Variants in ANK1 observed in about 807,000 individuals in gnomAD.
ANK1 encodes the protein ankyrin 1.
In ANK1, 51 loss-of-function variants were observed where a neutral mutation model predicts 210.4. The ratio of observed to expected loss-of-function variants is 0.24; its 90% confidence interval spans 0.19 to 0.31. The LOEUF (loss-of-function observed/expected upper bound fraction) is 0.31. Among genes scored for constraint, ANK1 ranks in the 10% least tolerant of loss-of-function variants. The pLI, the probability that ANK1 is intolerant of heterozygous loss-of-function variation, is 1.00. For synonymous variants in ANK1, 967 were observed against 1,025.9 expected (o/e 0.94, Z 1.10); for missense variants, 2,051 against 2,504.4 (o/e 0.82, Z 3.86).
chr8:41,793,841 T>C (rs1373870057), intron 1 of ANK1, among the ~76,000 whole-genome samples: 8 of 152,180 alleles, frequency 5.3e-5, no homozygotes, highest in Non-Finnish European at 1.0e-4. Context: ...TGGTAAATTA[T>C]TAAGTAGGGA....
intron 2 of ANK1, among the ~76,000 whole-genome samples, chr8:41,738,401 C>G (rs1325395077): frequency 6.6e-6 from 1 of 152,142 alleles, no homozygotes; most frequent in African/African-American, 2.4e-5. Flanking sequence ...CACAAGTCAC[C>G]ACCATCTAGC....
At chr8:41,734,942 A>G (rs920785533) in intron 2 of ANK1, among the ~76,000 whole-genome samples, 2 of 152,194 alleles carry the variant, frequency 1.3e-5, no homozygotes, top group African/African-American at 4.8e-5. Flanking sequence ...CCATCCCACC[A>G]TTTCAAAGGT....
chr8:41,717,994 G>A, intron 11 of ANK1, 112 bp downstream of exon 11: 1 of 1,035,822 alleles, frequency 9.7e-7, no homozygotes, highest in Non-Finnish European at 1.5e-6. Flanking sequence ...GTCCAGACTT[G>A]CAGACACACA....
chr8:41,803,029 G>GAAAGAA (rs1554630842), intron 1 of ANK1, among the ~76,000 whole-genome samples: 2 of 85,442 alleles, frequency 2.3e-5, no homozygotes, highest in East Asian at 5.0e-4. Context: ...AAGAAAGAAA[G>GAAAGAA]AAAGAAAGAA....
chr8:41,882,116 T>C (rs1456096729), intron 1 of ANK1, among the ~76,000 whole-genome samples: 2 of 152,148 alleles, frequency 1.3e-5, no homozygotes, highest in Non-Finnish European at 2.9e-5. Context: ...TGAAATGCAC[T>C]TAATCTTCCT....
chr8:41,722,103 A>G (rs1829426264), intron 9 of ANK1, among the ~76,000 whole-genome samples: 1 of 152,198 alleles, frequency 6.6e-6, no homozygotes, highest in Admixed American at 6.5e-5. Flanking sequence ...CATCCCAATA[A>G]TCCTAGGAGA....
chr8:41,747,851 T>C (rs1475923957), intron 2 of ANK1, among the ~76,000 whole-genome samples: 1 of 152,216 alleles, frequency 6.6e-6, no homozygotes, highest in Non-Finnish European at 1.5e-5. Flanking sequence ...TGAAGATTTT[T>C]ATGTAACTGA....
chr8:41,684,469 G>A (rs1489372582), intron 37 of ANK1, 75 bp downstream of exon 37: 2 of 1,591,854 alleles, frequency 1.3e-6, no homozygotes, highest in African/African-American at 2.7e-5. Flanking sequence ...ACGTATTGTG[G>A]GAAGGGGTTA....
At chr8:41,895,510 C>G (rs1216822523) in intron 1 of ANK1, among the ~76,000 whole-genome samples, 1 of 152,174 alleles carries the variant, frequency 6.6e-6, no homozygotes, top group Non-Finnish European at 1.5e-5. Context: ...GGGCTAAAAA[C>G]AGCAACAGTT....
chr8:41,870,138 C>T (rs1164962089), intron 1 of ANK1, among the ~76,000 whole-genome samples: 1 of 152,024 alleles, frequency 6.6e-6, no homozygotes, highest in African/African-American at 2.4e-5. Flanking sequence ...ACAGAGGGCC[C>T]CACCTCTGTG....
At chr8:41,757,952 A>G in intron 2 of ANK1, 84 bp downstream of exon 2, 2 of 1,250,136 alleles carry the variant, frequency 1.6e-6, no homozygotes, top group Non-Finnish European at 2.3e-6. Context: ...AAAGGTTAAT[A>G]GAGGCAGTTT....
intron 1 of ANK1, among the ~76,000 whole-genome samples, chr8:41,891,959 TAGTGAA>T (rs1819534319): frequency 6.6e-6 from 1 of 152,186 alleles, no homozygotes; most frequent in Non-Finnish European, 1.5e-5. Flanking sequence ...CAACATACAT[TAGTGAA>T]ATGGTTTAGC....
At chr8:41,713,795 C>T (rs1423092585) in intron 16 of ANK1, among the ~76,000 whole-genome samples, 2 of 152,186 alleles carry the variant, frequency 1.3e-5, no homozygotes, top group Non-Finnish European at 2.9e-5. Flanking sequence ...TCTAGCAATG[C>T]TAGAAACGGG....
At chr8:41,854,600 C>T (rs935444462) in intron 1 of ANK1, among the ~76,000 whole-genome samples, 17 of 152,130 alleles carry the variant, frequency 1.1e-4, no homozygotes, top group Non-Finnish European at 2.2e-4. Flanking sequence ...CAGTTACTGG[C>T]TCTTGTTTTA....
intron 2 of ANK1, among the ~76,000 whole-genome samples, chr8:41,738,049 A>G (rs917308718): frequency 9.2e-5 from 14 of 152,198 alleles, no homozygotes; most frequent in African/African-American, 3.1e-4. Flanking sequence ...AAAAGCCCCA[A>G]ACAGCATGTA....
At chr8:41,790,718 A>G (rs1234513771) in intron 1 of ANK1, among the ~76,000 whole-genome samples, 1 of 152,214 alleles carries the variant, frequency 6.6e-6, no homozygotes, top group South Asian at 2.1e-4. Flanking sequence ...TTTGAGATAT[A>G]AAACCCCTTT....
chr8:41,786,893 A>T (rs1428847155), intron 1 of ANK1, among the ~76,000 whole-genome samples: 2 of 152,246 alleles, frequency 1.3e-5, no homozygotes, highest in East Asian at 3.8e-4. Flanking sequence ...CAGATTCCAT[A>T]AAGAGAAAAG....
At chr8:41,883,141 C>T (rs1002974739) in intron 1 of ANK1, among the ~76,000 whole-genome samples, 1 of 152,260 alleles carries the variant, frequency 6.6e-6, no homozygotes, top group Non-Finnish European at 1.5e-5. Context: ...ACAGCCCACA[C>T]TCCCACAGCG....
rs1449186114 is a variant in ANK1, at chr8:41,884,639, AGCCTGG to A, written c.126+11710_126+11715del. Reference sequence around the variant, plus strand: ...CACTTGAGCCCAGGAGTTGGAGACCAGCCTGGGCAACATAGTGAGACTCTGTCTCTA... The same window carrying A: ...CACTTGAGCCCAGGAGTTGGAGACCAGCAACATAGTGAGACTCTGTCTCTA... On this transcript the variant is annotated intron_variant, in intron 1 of 42. Coordinates refer to the ANK1 transcript ENST00000265709. 2.0e-5 allele frequency among the ~76,000 whole-genome samples: 3 copies of A among 152,268 alleles called. No homozygotes were observed. In the East Asian group the frequency reaches 5.8e-4, roughly 29 times the overall value.
Sources: gnomAD v4.1 joint callset for allele counts (sites outside exome capture counted in the v4.1 genomes callset) on GRCh38, gnomAD v4.1.1 for gene constraint, MANE v1.5 for transcripts, NCBI Gene and HGNC (gene_info 2026-07-23, HGNC 2026-07-21) for gene names.